Variants in ARHGEF3 observed in about 807,000 individuals in gnomAD.
ARHGEF3 encodes the protein Rho guanine nucleotide exchange factor 3.
In ARHGEF3, 28 loss-of-function variants were observed where a neutral mutation model predicts 63.2. That is an observed-to-expected ratio of 0.44 (90% CI 0.33 to 0.61). ARHGEF3 has a LOEUF of 0.61. Among genes scored for constraint, ARHGEF3 ranks in the 20% least tolerant of loss-of-function variants. The pLI, the probability that ARHGEF3 is intolerant of heterozygous loss-of-function variation, is 0.03. For missense variants in ARHGEF3, 533 were observed against 659.3 expected, an observed-to-expected ratio of 0.81 and a Z score of 2.10; for synonymous variants, 266 against 254.2, an observed-to-expected ratio of 1.05 and a Z score of -0.44.
At chr3:56,745,595 T>C in intron 6 of ARHGEF3, 133 bp from the exon 7 acceptor site, 1 of 1,047,698 alleles carries the variant, frequency 9.5e-7, no homozygotes, top group South Asian at 1.7e-5. Context: ...TTTATCTGCA[T>C]GGCTGGAGGA....
At chr3:56,897,542 A>C (rs11716312) in intron 3 of ARHGEF3, among the ~76,000 whole-genome samples, 27,934 of 151,440 alleles carry the variant, frequency 0.18, 2,867 homozygotes, top group Non-Finnish European at 0.24. Flanking sequence ...TGATGCTTTC[A>C]TTTCCAATCT....
chr3:56,868,297 T>A (rs1402031596), intron 4 of ARHGEF3, among the ~76,000 whole-genome samples: 7 of 152,068 alleles, frequency 4.6e-5, no homozygotes. Flanking sequence ...CCTTCCCGAC[T>A]GAACCTTTGA....
intron 2 of ARHGEF3, among the ~76,000 whole-genome samples, chr3:56,987,858 G>T (rs944121982): frequency 6.6e-6 from 1 of 152,152 alleles, no homozygotes; most frequent in African/African-American, 2.4e-5. Context: ...TCAAGTATTT[G>T]ATTAACACAT....
In ARHGEF3 at chr3:56,791,062, C is replaced by T. The variant is rs79106038; in HGVS notation, c.96+10641G>A. Among the ~76,000 whole-genome samples the T allele has an allele frequency of 4.6e-3, 702 of 152,130 alleles. 3 individuals are homozygous for T. The highest frequency in any genetic ancestry group is 0.016 in the African/African-American group (652 of 41,478). On this transcript the variant is annotated intron_variant, in intron 1 of 9. Coordinates refer to ENST00000296315, the MANE Select transcript of ARHGEF3 (RefSeq NM_019555.3). ...TGTATTTCTTCTTACTATTTATCAC[C>T]TCTGCTGCAAACATTAGGTCTGCAG...
At position 57,043,160 on chromosome 3, in the gene ARHGEF3, G is replaced by A. The variant is rs535943357; in HGVS notation, c.-27-7984C>T. ...AGACCAAGTCTCTCTCTGTTGCCCA[G>A]GCTAGAGTGCAGTGGCGCGATCTCA... On this transcript the variant is annotated intron_variant, in intron 1 of 12. Coordinates refer to the ARHGEF3 transcript ENST00000338458. Among the ~76,000 whole-genome samples the A allele has an allele frequency of 2.6e-5, 4 of 151,608 alleles. No homozygotes were observed. The South Asian group carries it at 8.3e-4, about 32-fold the overall frequency.
intron 1 of ARHGEF3, among the ~76,000 whole-genome samples, chr3:56,799,035 A>C (rs1187086912): frequency 1.3e-5 from 2 of 152,264 alleles, no homozygotes; most frequent in Non-Finnish European, 2.9e-5. Flanking sequence ...CTTTTAAAGA[A>C]AATAAAAATA....
chr3:56,740,334 C>T (rs748593240), intron 7 of ARHGEF3, among the ~76,000 whole-genome samples: 5 of 151,084 alleles, frequency 3.3e-5, no homozygotes, highest in Non-Finnish European at 7.4e-5. Flanking sequence ...AGCTTTTTGG[C>T]CTTTGATGTC....
Position 56,972,022 on chromosome 3 carries a change from G to A in ARHGEF3, c.63-13133C>T, listed in dbSNP as rs192599240. On this transcript the variant is annotated intron_variant, in intron 2 of 12. Transcript: ENST00000338458. ...GAGACCTTATCTCATCATAACAAAC[G>A]CACCAGGACTCCTATCTATTTCCTT... Among the ~76,000 whole-genome samples, 24 of 151,884 alleles carry A rather than the reference G, an allele frequency of 1.6e-4. 1 individual carries two copies. Among genetic ancestry groups the A allele is most frequent in the Admixed American group, 4.6e-4 (7 of 15,266 alleles).
chr3:57,000,156 T>A (rs1702131870), intron 2 of ARHGEF3, among the ~76,000 whole-genome samples: 1 of 152,142 alleles, frequency 6.6e-6, no homozygotes, highest in Non-Finnish European at 1.5e-5. Flanking sequence ...GCTCGATAAA[T>A]GTTAGCTATT....
intron 7 of ARHGEF3, among the ~76,000 whole-genome samples, chr3:56,740,366 C>G (rs1321216437): frequency 6.6e-6 from 1 of 151,764 alleles, no homozygotes; most frequent in African/African-American, 2.4e-5. Context: ...AAATGTAAAT[C>G]CTGTAAAAGT....
intron 3 of ARHGEF3, among the ~76,000 whole-genome samples, chr3:56,935,464 G>A (rs376674379): frequency 3.4e-4 from 51 of 152,202 alleles, no homozygotes; most frequent in African/African-American, 1.1e-3. Context: ...TTGTTCTTTC[G>A]CTCTTTGCAA....
At chr3:56,998,422 T>C (rs950569771) in intron 2 of ARHGEF3, among the ~76,000 whole-genome samples, 2 of 147,782 alleles carry the variant, frequency 1.4e-5, no homozygotes, top group South Asian at 2.2e-4. Flanking sequence ...TTTTTTTTTT[T>C]CCTTCCCTGC....
intron 2 of ARHGEF3, among the ~76,000 whole-genome samples, chr3:56,963,647 A>G (rs916083825): frequency 2.6e-5 from 4 of 152,178 alleles, no homozygotes; most frequent in African/African-American, 9.7e-5. Flanking sequence ...ACCTCTCTTT[A>G]TCCATCAGAA....
At chr3:56,864,353 C>G (rs2108201769) in intron 4 of ARHGEF3, among the ~76,000 whole-genome samples, 1 of 152,328 alleles carries the variant, frequency 6.6e-6, no homozygotes, top group African/African-American at 2.4e-5. Flanking sequence ...ATGCTGTTCC[C>G]AAGGTCACAG....
intron 2 of ARHGEF3, among the ~76,000 whole-genome samples, chr3:56,992,024 CTG>C (rs58860849): frequency 0.47 from 60,978 of 130,934 alleles, 14,691 homozygotes; most frequent in East Asian, 0.79. Context: ...CCTCCTCTCT[CTG>C]TGTGTGTGTG....
rs191552409 is a variant in ARHGEF3 at position 56,994,128 on chromosome 3, T to G, written c.63-35239A>C. Among the ~76,000 whole-genome samples, 17 of 145,810 alleles carry G rather than the reference T, an allele frequency of 1.2e-4. 1 individual carries two copies. Among genetic ancestry groups the G allele is most frequent in the Middle Eastern group, 3.9e-3 (1 of 258 alleles). ...ACACACAATCTAAACGTGTGTTATT[T>G]TCATAGTTGTTATGATTATCAGATG... On this transcript the variant is annotated intron_variant, in intron 2 of 12. Transcript: ENST00000338458.
intron 4 of ARHGEF3, among the ~76,000 whole-genome samples, chr3:56,810,779 A>G (rs1261946414): frequency 6.6e-6 from 1 of 152,224 alleles, no homozygotes; most frequent in Non-Finnish European, 1.5e-5. Context: ...TATCAAATCC[A>G]TATATATCCC....
At chr3:56,843,763 A>G (rs1444767693) in intron 4 of ARHGEF3, among the ~76,000 whole-genome samples, 1 of 152,114 alleles carries the variant, frequency 6.6e-6, no homozygotes, top group Non-Finnish European at 1.5e-5. Flanking sequence ...ACTTTTTCTC[A>G]GAGAGCAATG....
chr3:56,875,484 A>G (rs1186267698), intron 4 of ARHGEF3, among the ~76,000 whole-genome samples: 1 of 152,206 alleles, frequency 6.6e-6, no homozygotes, highest in African/African-American at 2.4e-5. Context: ...CTTTGAGGGA[A>G]TTCACAGGCT....
Sources: allele counts gnomAD v4.1 joint callset (sites outside exome capture counted in the v4.1 genomes callset), GRCh38; gene constraint gnomAD v4.1.1; transcripts MANE v1.5; gene names NCBI Gene and HGNC (gene_info 2026-07-23, HGNC 2026-07-21).